The following ARB2A variants were observed in gnomAD, a reference collection of about 807,000 sequenced individuals.
The protein encoded by ARB2A is ARB2 cotranscriptional regulator A, also known as cotranscriptional regulator ARB2A.
the ARB2A span, among the ~76,000 whole-genome samples, chr5:93,762,184 G>C: frequency 6.6e-6 from 1 of 152,166 alleles, no homozygotes; most frequent in African/African-American, 2.4e-5. Flanking sequence ...ACCAGCAATG[G>C]AACAAAGCTA....
At chr5:93,831,899 AAG>A in the ARB2A span, among the ~76,000 whole-genome samples, 1 of 152,158 alleles carries the variant, frequency 6.6e-6, no homozygotes, top group Admixed American at 6.5e-5. Flanking sequence ...CAGCTTGACT[AAG>A]GTCAAGCTGA....
At chr5:93,921,018 G>C in the ARB2A span, among the ~76,000 whole-genome samples, 7 of 151,962 alleles carry the variant, frequency 4.6e-5, no homozygotes, top group African/African-American at 1.7e-4. Flanking sequence ...TAGTGATGCT[G>C]GAAGTGCTCC....
chr5:93,800,096 T>G, the ARB2A span, among the ~76,000 whole-genome samples: 1 of 152,050 alleles, frequency 6.6e-6, no homozygotes, highest in Admixed American at 6.6e-5. Context: ...TTTAAATAAT[T>G]TCTAATTGAA....
At chr5:93,731,871 G>T in the ARB2A span, among the ~76,000 whole-genome samples, 3 of 152,144 alleles carry the variant, frequency 2.0e-5, no homozygotes, top group African/African-American at 4.8e-5. Context: ...TCTCAGGAAG[G>T]CCCCATCGTT....
chr5:93,657,006 A>G, the ARB2A span, among the ~76,000 whole-genome samples: 9 of 152,144 alleles, frequency 5.9e-5, no homozygotes, highest in Non-Finnish European at 1.3e-4. Flanking sequence ...AACTGCGGAT[A>G]TGGAAGATGA....
At chr5:93,903,744 TATA>T in the ARB2A span, among the ~76,000 whole-genome samples, 6 of 151,516 alleles carry the variant, frequency 4.0e-5, no homozygotes, top group South Asian at 2.1e-4. Flanking sequence ...TGTGTGTGTG[TATA>T]GTCCTAGCCA....
the ARB2A span, among the ~76,000 whole-genome samples, chr5:93,667,094 G>A: frequency 6.6e-6 from 1 of 152,164 alleles, no homozygotes; most frequent in East Asian, 1.9e-4. Context: ...TCTTGGTGAT[G>A]AGGTGCATAC....
chr5:93,725,429 C>A, the ARB2A span, among the ~76,000 whole-genome samples: 7 of 151,890 alleles, frequency 4.6e-5, no homozygotes, highest in Non-Finnish European at 8.8e-5. Context: ...AAAATCAGAA[C>A]TGCGGAAAAG....
the ARB2A span, among the ~76,000 whole-genome samples, chr5:93,921,296 A>G: frequency 8.5e-5 from 13 of 152,076 alleles, no homozygotes; most frequent in Non-Finnish European, 1.5e-4. Flanking sequence ...CAGGATTGCT[A>G]TAAGAAAGAC....
the ARB2A span, among the ~76,000 whole-genome samples, chr5:93,847,167 C>A: frequency 6.6e-6 from 1 of 152,306 alleles, no homozygotes; most frequent in Middle Eastern, 3.4e-3. Context: ...CAAGTTTGAT[C>A]ATGAGATTGC....
At chr5:93,838,761 C>A in the ARB2A span, among the ~76,000 whole-genome samples, 1 of 152,046 alleles carries the variant, frequency 6.6e-6, no homozygotes, top group Admixed American at 6.6e-5. Context: ...CCTTTTACTT[C>A]CCTGGTTAGT....
chr5:93,730,916 A>G, the ARB2A span, among the ~76,000 whole-genome samples: 1 of 152,182 alleles, frequency 6.6e-6, no homozygotes, highest in Non-Finnish European at 1.5e-5. Flanking sequence ...ATTGGTTGGG[A>G]GAGAAGAAAT....
chr5:93,852,078 A>G, the ARB2A span, among the ~76,000 whole-genome samples: 1 of 152,190 alleles, frequency 6.6e-6, no homozygotes, highest in Admixed American at 6.5e-5. Flanking sequence ...CAACAGTGTA[A>G]AAGTGTTCCT....
the ARB2A span, among the ~76,000 whole-genome samples, chr5:93,773,902 G>T: frequency 1.3e-5 from 2 of 152,210 alleles, no homozygotes; most frequent in Non-Finnish European, 2.9e-5. Flanking sequence ...TGAATAGCTG[G>T]GACTGTAGGT....
At chr5:93,661,932 G>T in the ARB2A span, among the ~76,000 whole-genome samples, 6 of 152,138 alleles carry the variant, frequency 3.9e-5, no homozygotes, top group Middle Eastern at 3.2e-3. Flanking sequence ...GTAAGGGGAA[G>T]AAGCTGGTCA....
chr5:93,824,262 AT>A, the ARB2A span: 6 of 1,573,678 alleles, frequency 3.8e-6, no homozygotes, highest in Admixed American at 3.7e-5. Flanking sequence ...CAGGAGAACC[AT>A]TTTCCTATAA....
chr5:94,054,179 A>G, the ARB2A span, among the ~76,000 whole-genome samples: 1 of 152,174 alleles, frequency 6.6e-6, no homozygotes, highest in African/African-American at 2.4e-5. Flanking sequence ...ATCATGTCAC[A>G]TTTGTCAAAA....
At chr5:93,677,370 G>A in the ARB2A span, among the ~76,000 whole-genome samples, 1 of 152,196 alleles carries the variant, frequency 6.6e-6, no homozygotes, top group Non-Finnish European at 1.5e-5. Context: ...GTTAAGGGCT[G>A]TAAAACTCAA....
chr5:93,889,482 G>A, the ARB2A span, among the ~76,000 whole-genome samples: 1 of 151,806 alleles, frequency 6.6e-6, no homozygotes, highest in Non-Finnish European at 1.5e-5. Flanking sequence ...AATTACTTAT[G>A]AGTTATGGTT....
Sources: gnomAD v4.1 joint callset for allele counts (sites outside exome capture counted in the v4.1 genomes callset) on GRCh38, gnomAD v4.1.1 for gene constraint, MANE v1.5 for transcripts, NCBI Gene and HGNC (gene_info 2026-07-23, HGNC 2026-07-21) for gene names.